The following RBFOX1 variants were observed in gnomAD, a reference collection of about 807,000 sequenced individuals.
RBFOX1 encodes the protein RNA binding fox-1 homolog 1.
Under a neutral mutation model 57.7 loss-of-function variants are expected in RBFOX1, and 8 were observed. That is an observed-to-expected ratio of 0.14 (90% CI 0.08 to 0.25). The LOEUF (loss-of-function observed/expected upper bound fraction) is 0.25. Among genes scored for constraint, RBFOX1 ranks in the 10% least tolerant of loss-of-function variants. The probability of loss-of-function intolerance (pLI) is 1.00; values close to 1 mark genes in which losing one functional copy is unlikely to be tolerated. For missense variants in RBFOX1, 611 were observed against 548.5 expected (o/e 1.11, Z -1.14); for synonymous variants, 326 against 222.4 (o/e 1.47, Z -4.15).
chr16:6,635,663 G>A (rs1402226783), intron 2 of RBFOX1, among the ~76,000 whole-genome samples: 1 of 152,268 alleles, frequency 6.6e-6, no homozygotes, highest in African/African-American at 2.4e-5. Flanking sequence ...AGTAATTTCA[G>A]TAAATCCAAT....
intron 3 of RBFOX1, among the ~76,000 whole-genome samples, chr16:6,908,285 C>G (rs967256186): frequency 1.3e-5 from 2 of 151,732 alleles, no homozygotes; most frequent in African/African-American, 2.4e-5. Flanking sequence ...CGGCTCTGGG[C>G]AGGCCTGCAC....
chr16:7,605,397 G>T (rs926921748), intron 9 of RBFOX1, among the ~76,000 whole-genome samples: 1 of 152,106 alleles, frequency 6.6e-6, no homozygotes, highest in Non-Finnish European at 1.5e-5. Context: ...TCTAAAAAGG[G>T]GGCCCAGGAA....
intron 4 of RBFOX1, among the ~76,000 whole-genome samples, chr16:7,269,750 A>C (rs1193867204): frequency 1.3e-5 from 2 of 152,312 alleles, no homozygotes; most frequent in African/African-American, 4.8e-5. Flanking sequence ...TACATTTTTG[A>C]ATATTTCCTT....
At chr16:5,253,785 T>C (rs1417059147) in intron 1 of RBFOX1, among the ~76,000 whole-genome samples, 8 of 152,236 alleles carry the variant, frequency 5.3e-5, no homozygotes, top group Non-Finnish European at 1.0e-4. Context: ...TTGCACTTCC[T>C]TTGCTCTTTT....
At chr16:7,033,724 C>T (rs527266894) in intron 3 of RBFOX1, among the ~76,000 whole-genome samples, 12 of 151,968 alleles carry the variant, frequency 7.9e-5, no homozygotes, top group Non-Finnish European at 1.6e-4. Flanking sequence ...CCGGGCGTGG[C>T]GACTTATGCC....
At chr16:6,158,670 C>T (rs952898214) in intron 1 of RBFOX1, among the ~76,000 whole-genome samples, 2 of 152,132 alleles carry the variant, frequency 1.3e-5, no homozygotes, top group Non-Finnish European at 2.9e-5. Flanking sequence ...AAAAGTCAGA[C>T]AAAAGTCCAT....
intron 3 of RBFOX1, among the ~76,000 whole-genome samples, chr16:6,978,772 C>T (rs539533335): frequency 2.6e-5 from 4 of 152,192 alleles, no homozygotes; most frequent in South Asian, 2.1e-4. Flanking sequence ...CCCCAGTGGC[C>T]TGATTCTGGA....
intron 10 of RBFOX1, among the ~76,000 whole-genome samples, chr16:7,628,167 C>T (rs772557519): frequency 6.6e-6 from 1 of 152,122 alleles, no homozygotes; most frequent in Non-Finnish European, 1.5e-5. Context: ...TACAGTTATA[C>T]ATTTTTCTTT....
At chr16:5,861,806 C>G (rs1048768804) in intron 3 of RBFOX1, among the ~76,000 whole-genome samples, 3 of 152,166 alleles carry the variant, frequency 2.0e-5, no homozygotes, top group Non-Finnish European at 4.4e-5. Context: ...TCTCTTGAAC[C>G]CATCTTCTTA....
chr16:7,686,513 T>C (rs2076096348), intron 14 of RBFOX1, among the ~76,000 whole-genome samples: 1 of 152,082 alleles, frequency 6.6e-6, no homozygotes, highest in African/African-American at 2.4e-5. Flanking sequence ...TAAAACCAAT[T>C]GCCTGCCCTC....
intron 4 of RBFOX1, among the ~76,000 whole-genome samples, chr16:7,245,872 T>C (rs72767380): frequency 0.062 from 9,460 of 152,252 alleles, 377 homozygotes; most frequent in Non-Finnish European, 0.084. Context: ...GTTTATCTAA[T>C]TTAATCCCTA....
chr16:7,519,591 C>CTAAAGT (rs2077089137), intron 5 of RBFOX1: 2 of 409,544 alleles, frequency 4.9e-6, no homozygotes, highest in Admixed American at 1.3e-4. Flanking sequence ...ATTTGTGTGC[C>CTAAAGT]ACCTAAAGTA....
chr16:6,676,140 G>GCACA (rs1403756143), intron 3 of RBFOX1, among the ~76,000 whole-genome samples: 14 of 27,870 alleles, frequency 5.0e-4, no homozygotes, highest in African/African-American at 8.9e-4. Context: ...ACACACACAC[G>GCACA]CGCACACACA....
intron 2 of RBFOX1, among the ~76,000 whole-genome samples, chr16:5,536,105 C>G (rs934957657): frequency 1.3e-5 from 2 of 149,804 alleles, no homozygotes; most frequent in African/African-American, 2.4e-5. Context: ...GCCCCCCCCC[C>G]CTTTTTTTTC....
In RBFOX1 at chr16:6,483,165, C is replaced by G. The variant is rs924163040; in HGVS notation, c.-64+166108C>G. The G allele has an allele frequency of 3.6e-6, 4 of 1,101,772 alleles. No homozygotes were observed. In the African/African-American group the frequency reaches 5.0e-5, roughly 14 times the overall value. 68.2% of individuals were successfully genotyped at this position (1,101,772 alleles called of 1,614,324 possible). A position where few individuals can be genotyped will look rare whatever the true frequency, so the allele number is the denominator to read the frequency against. ...AAGAGTTTGCAAAAACATTGGGCGT[C>G]TCATTTGGCGAGCGTTTTGGCGCGG... On this transcript the variant is annotated intron_variant, in intron 2 of 15. Coordinates refer to ENST00000550418, the MANE Select transcript of RBFOX1 (RefSeq NM_018723.4).
intron 3 of RBFOX1, among the ~76,000 whole-genome samples, chr16:5,805,535 T>G (rs1048149771): frequency 2.0e-5 from 3 of 152,164 alleles, no homozygotes; most frequent in Non-Finnish European, 4.4e-5. Context: ...ACAGAAGACA[T>G]GTATTGATGG....
chr16:6,582,285 C>T (rs1861210), intron 2 of RBFOX1, among the ~76,000 whole-genome samples: 65,936 of 151,986 alleles, frequency 0.43, 16,015 homozygotes, highest in East Asian at 0.67. Flanking sequence ...CAGTAATCAT[C>T]GCATAAACTT....
chr16:6,369,716 G>A (rs949178757), intron 2 of RBFOX1, among the ~76,000 whole-genome samples: 10 of 152,150 alleles, frequency 6.6e-5, no homozygotes, highest in African/African-American at 9.6e-5. Flanking sequence ...TTCTATGTAC[G>A]TAAATACACA....
intron 4 of RBFOX1, among the ~76,000 whole-genome samples, chr16:7,452,687 G>A (rs1372443535): frequency 6.6e-6 from 1 of 152,116 alleles, no homozygotes; most frequent in African/African-American, 2.4e-5. Flanking sequence ...TGAATTTTAG[G>A]CTACACTGCT....
Sources: allele counts gnomAD v4.1 joint callset (sites outside exome capture counted in the v4.1 genomes callset), GRCh38; gene constraint gnomAD v4.1.1; transcripts MANE v1.5; gene names NCBI Gene and HGNC (gene_info 2026-07-23, HGNC 2026-07-21).